AGBL4: variants seen among roughly 807,000 people sequenced by gnomAD.
The protein encoded by AGBL4 is cytosolic carboxypeptidase 6.
In AGBL4, 58 loss-of-function variants were observed where a neutral mutation model predicts 66.4. That is an observed-to-expected ratio of 0.87 (90% CI 0.71 to 1.09). AGBL4 has a LOEUF of 1.09. Among genes scored for constraint, AGBL4 ranks in the 50% least tolerant of loss-of-function variants. The pLI is 0.00. For missense variants in AGBL4, 579 were observed against 631.0 expected, an observed-to-expected ratio of 0.92 and a Z score of 0.88; for synonymous variants, 234 against 222.9, an observed-to-expected ratio of 1.05 and a Z score of -0.44.
At chr1:48,838,310 C>A (rs1325280090) in intron 6 of AGBL4, among the ~76,000 whole-genome samples, 4 of 151,994 alleles carry the variant, frequency 2.6e-5, no homozygotes, top group African/African-American at 9.7e-5. Context: ...CTGTATTAAC[C>A]CAAACAGCAT....
At chr1:49,288,373 A>G (rs1020901404) in intron 3 of AGBL4, among the ~76,000 whole-genome samples, 14 of 152,028 alleles carry the variant, frequency 9.2e-5, no homozygotes, top group Non-Finnish European at 1.8e-4. Flanking sequence ...ATAAAAAAAA[A>G]AAAGAAAGAA....
chr1:49,860,303 TAA>T (rs1270173251), intron 1 of AGBL4, among the ~76,000 whole-genome samples: 3 of 152,226 alleles, frequency 2.0e-5, no homozygotes, highest in Non-Finnish European at 4.4e-5. Context: ...GGAATAAAAC[TAA>T]ATGCAGAAAT....
intron 3 of AGBL4, among the ~76,000 whole-genome samples, chr1:49,531,722 C>T (rs1651156225): frequency 6.6e-6 from 1 of 152,028 alleles, no homozygotes; most frequent in Admixed American, 6.6e-5. Flanking sequence ...ATCAAAGTCA[C>T]ACATCTGTCA....
At chr1:48,979,681 A>G (rs1433430437) in intron 5 of AGBL4, among the ~76,000 whole-genome samples, 1 of 152,096 alleles carries the variant, frequency 6.6e-6, no homozygotes, top group African/African-American at 2.4e-5. Flanking sequence ...CATTTGATTC[A>G]CTGAAGAGAA....
At chr1:48,845,106 C>A (rs1221348393) in intron 6 of AGBL4, among the ~76,000 whole-genome samples, 1 of 152,264 alleles carries the variant, frequency 6.6e-6, no homozygotes, top group East Asian at 1.9e-4. Context: ...GTGAATATTT[C>A]TTGGAACAAT....
chr1:49,828,071 T>A (rs2148007243), intron 2 of AGBL4, among the ~76,000 whole-genome samples: 1 of 152,266 alleles, frequency 6.6e-6, no homozygotes, highest in East Asian at 1.9e-4. Context: ...TAGCTTTCAT[T>A]AGATTCTTAT....
chr1:48,820,626 CT>C (rs1646290255), intron 6 of AGBL4, among the ~76,000 whole-genome samples: 1 of 152,128 alleles, frequency 6.6e-6, no homozygotes, highest in Non-Finnish European at 1.5e-5. Context: ...AGCTTTTTCC[CT>C]GCCTTCAAAC....
At chr1:49,102,850 A>G (rs920094133) in intron 4 of AGBL4, among the ~76,000 whole-genome samples, 3 of 152,152 alleles carry the variant, frequency 2.0e-5, no homozygotes, top group Admixed American at 6.6e-5. Flanking sequence ...TGGTTCCACT[A>G]TCACTTGTTC....
At chr1:48,732,752 T>G (rs1648347417) in intron 6 of AGBL4, among the ~76,000 whole-genome samples, 2 of 152,078 alleles carry the variant, frequency 1.3e-5, no homozygotes, top group African/African-American at 4.8e-5. Flanking sequence ...GGAGTACAGA[T>G]TTCAACCCAA....
In AGBL4 at chr1:48,736,162, A is replaced by C. The variant is rs919121579; in HGVS notation, c.635-72921T>G. On this transcript the variant is annotated intron_variant, in intron 6 of 13. Coordinates refer to ENST00000371839, the MANE Select transcript of AGBL4 (RefSeq NM_032785.4). The surrounding 1 kb of genome is among the most constrained non-coding windows in gnomAD (Gnocchi z 4.0). ...CAGAAGCTTCATAAGTAATCGTTGAATTGAATTGTGCCTAACACATTCTTG... is the reference window on the plus strand; with the variant it reads ...CAGAAGCTTCATAAGTAATCGTTGACTTGAATTGTGCCTAACACATTCTTG... The C allele has an allele frequency of 5.4e-6, 8 of 1,489,418 alleles. No homozygotes were observed. Among genetic ancestry groups the C allele is most frequent in the Non-Finnish European group, 7.5e-6 (8 of 1,071,176 alleles). 92.3% of individuals were successfully genotyped at this position (1,489,418 alleles called of 1,614,324 possible).
intron 5 of AGBL4, among the ~76,000 whole-genome samples, chr1:48,901,824 A>T (rs1178786437): frequency 6.6e-6 from 1 of 152,126 alleles, no homozygotes. Flanking sequence ...ATTGTTTATA[A>T]TTTGATTGTG....
intron 3 of AGBL4, among the ~76,000 whole-genome samples, chr1:49,364,530 G>A (rs1364530406): frequency 6.6e-6 from 1 of 151,672 alleles, no homozygotes; most frequent in Non-Finnish European, 1.5e-5. Context: ...CCAGGCTGGA[G>A]TCAGTGGCAA....
intron 9 of AGBL4, among the ~76,000 whole-genome samples, chr1:48,606,698 C>T (rs1645158830): frequency 6.6e-6 from 1 of 152,170 alleles, no homozygotes; most frequent in Non-Finnish European, 1.5e-5. Flanking sequence ...TAGCTCTTGG[C>T]ATTTGCTGTT....
chr1:49,739,546 T>C (rs897941974), intron 2 of AGBL4, among the ~76,000 whole-genome samples: 1 of 152,066 alleles, frequency 6.6e-6, no homozygotes, highest in Non-Finnish European at 1.5e-5. Flanking sequence ...ATTCAGGAAA[T>C]ACTGAGAACG....
chr1:49,625,102 T>G (rs1304335552), intron 3 of AGBL4, among the ~76,000 whole-genome samples: 1 of 152,194 alleles, frequency 6.6e-6, no homozygotes, highest in East Asian at 1.9e-4. Flanking sequence ...CATCTGACAC[T>G]AAATACAATC....
intron 11 of AGBL4, among the ~76,000 whole-genome samples, chr1:48,543,598 G>A (rs1644111807): frequency 6.6e-6 from 1 of 152,180 alleles, no homozygotes. Context: ...TTGGGCAGTT[G>A]CCACAGGCCT....
chr1:49,849,519 T>A (rs1297450536), intron 2 of AGBL4, among the ~76,000 whole-genome samples: 2 of 149,082 alleles, frequency 1.3e-5, no homozygotes, highest in Admixed American at 6.7e-5. Context: ...ATACATACAT[T>A]AAGATGGATA....
At chr1:48,993,722 G>T (rs1660785772) in intron 5 of AGBL4, among the ~76,000 whole-genome samples, 1 of 152,140 alleles carries the variant, frequency 6.6e-6, no homozygotes, top group African/African-American at 2.4e-5. Context: ...TGGCCTAAAT[G>T]CTCCCTCCAT....
At chr1:48,567,694 C>A (rs1350806718) in intron 11 of AGBL4, among the ~76,000 whole-genome samples, 1 of 152,154 alleles carries the variant, frequency 6.6e-6, no homozygotes, top group East Asian at 1.9e-4. Flanking sequence ...TGTTGGGGGC[C>A]TGAAGAAAAT....
Sources: gnomAD v4.1 joint callset for allele counts (sites outside exome capture counted in the v4.1 genomes callset) on GRCh38, gnomAD v4.1.1 for gene constraint, Gnocchi (gnomAD v3.1) non-coding constraint, MANE v1.5 for transcripts, NCBI Gene and HGNC (gene_info 2026-07-23, HGNC 2026-07-21) for gene names.